The following CCDC85C variants were observed in gnomAD, a reference collection of about 807,000 sequenced individuals.
The protein encoded by CCDC85C is coiled-coil domain containing 85C, also known as coiled-coil domain-containing protein 85C.
In CCDC85C, 18 loss-of-function variants were observed where a neutral mutation model predicts 38.3. The ratio of observed to expected loss-of-function variants is 0.47; its 90% CI spans 0.33 to 0.70. CCDC85C has a LOEUF of 0.70. Ranked by LOEUF, CCDC85C falls within the 30% of genes least tolerant of loss-of-function variation. The pLI is 0.03. For synonymous variants in CCDC85C, 264 were observed against 293.8 expected, an observed-to-expected ratio of 0.90 and a Z score of 1.04; for missense variants, 566 against 621.2, an observed-to-expected ratio of 0.91 and a Z score of 0.94.
rs987354529 is a variant in CCDC85C, at chr14:99,516,963, G to A, written c.1071+125C>T. The A allele has an allele frequency of 3.8e-5, 34 of 884,890 alleles. No individual in the cohort carries two copies. The highest frequency in any genetic ancestry group is 6.0e-5 in the Non-Finnish European group (33 of 545,474). 54.8% of individuals were successfully genotyped at this position (884,890 alleles called of 1,614,324 possible). On this transcript the variant is annotated intron_variant, in intron 4 of 5. Coordinates refer to ENST00000380243, the MANE Select transcript of CCDC85C (RefSeq NM_001144995.2). This position sits in a 1 kb window ranked among gnomAD's most constrained non-coding sequence, Gnocchi z 5.5. ...TGCTCCAGGCAGCCATGGTCACCCAGCCACCCACACACAGATGAAACCTCC... is the reference window on the plus strand; with the variant it reads ...TGCTCCAGGCAGCCATGGTCACCCAACCACCCACACACAGATGAAACCTCC...
At chr14:99,534,699 C>T (rs1003255654) in intron 2 of CCDC85C, 2 of 702,306 alleles carry the variant, frequency 2.8e-6, no homozygotes, top group East Asian at 5.4e-5. Context: ...ACAATGGCCC[C>T]GCCAGGTCTG....
chr14:99,594,245 T>C (rs2055119691), intron 1 of CCDC85C, among the ~76,000 whole-genome samples: 1 of 152,166 alleles, frequency 6.6e-6, no homozygotes, highest in South Asian at 2.1e-4. Flanking sequence ...TCCAGGAACA[T>C]GCAGCCTTGT....
At chr14:99,522,059 G>C in intron 3 of CCDC85C, 74 bp downstream of exon 3, 1 of 1,163,262 alleles carries the variant, frequency 8.6e-7, no homozygotes, top group Non-Finnish European at 1.2e-6. Context: ...GTGCCCCTCC[G>C]GGCAGGTCAC....
At position 99,503,005 on chromosome 14, in the gene CCDC85C, C is replaced by A; in HGVS notation, c.*12241G>T. On this transcript the variant is annotated 3_prime_UTR_variant, in exon 6 of 6. Coordinates refer to ENST00000380243, the MANE Select transcript of CCDC85C (RefSeq NM_001144995.2). ...CCGTGGTGAGTGGGCTAAAGCAGGC[C>A]CTGGGTAGAGCAGGCTTTCCAGGTG... 1 of 1,613,694 alleles carries A rather than the reference C, an allele frequency of 6.2e-7. No individual in the cohort carries two copies. The highest frequency in any genetic ancestry group is 1.1e-5 in the South Asian group (1 of 91,078).
chr14:99,575,749 G>C (rs951620278), intron 1 of CCDC85C, among the ~76,000 whole-genome samples: 1 of 152,172 alleles, frequency 6.6e-6, no homozygotes, highest in African/African-American at 2.4e-5. Context: ...GAGCCACCAG[G>C]GCCATCACCA....
rs1365215464 is a variant in CCDC85C at position 99,569,411 on chromosome 14, T to TGGGAGCTG, written c.794-33324_794-33323insCAGCTCCC. ...AAAGGGTTCCCTGGATGTCCACACC[T>TGGGAGCTG]GGGCCCCAGCTCCGCCAGGCTGCCC... On this transcript the variant is annotated intron_variant, in intron 1 of 5. Transcript: ENST00000380243. This position sits in a 1 kb window ranked among gnomAD's most constrained non-coding sequence, Gnocchi z 4.3. Among the ~76,000 whole-genome samples, 3 of 152,106 alleles carry TGGGAGCTG rather than the reference T, an allele frequency of 2.0e-5. No homozygotes were observed. Among genetic ancestry groups the TGGGAGCTG allele is most frequent in the Non-Finnish European group, 4.4e-5 (3 of 68,004 alleles).
chr14:99,569,426 C>T lies in CCDC85C; in HGVS notation c.794-33338G>A, dbSNP rs1898289070. ...TGTCCACACCTGGGCCCCAGCTCCG[C>T]CAGGCTGCCCTGCCCCACAGAGGCA... On this transcript the variant is annotated intron_variant, in intron 1 of 5. Transcript: ENST00000380243. The surrounding 1 kb of genome is among the most constrained non-coding windows in gnomAD (Gnocchi z 4.3). Among the ~76,000 whole-genome samples, 2 of 152,210 alleles carry T rather than the reference C, an allele frequency of 1.3e-5. No individual in the cohort carries two copies. Among genetic ancestry groups the T allele is most frequent in the Admixed American group, 1.3e-4 (2 of 15,280 alleles).
chr14:99,603,078 G>A lies in CCDC85C; in HGVS notation c.793+89C>T. On this transcript the variant is annotated intron_variant, in intron 1 of 5. Transcript: ENST00000380243. The surrounding 1 kb of genome is among the most constrained non-coding windows in gnomAD (Gnocchi z 7.5). ...TCTGGAGTGGCGGCCGCATGAGTGG[G>A]ACAGCCAGGGACCACCTCCTCTCGC... 1 of 1,262,226 alleles carries A rather than the reference G, an allele frequency of 7.9e-7. No homozygotes were observed. Among genetic ancestry groups the A allele is most frequent in the Non-Finnish European group, 1.0e-6 (1 of 1,002,522 alleles). The allele number at this position is 1,262,226 out of a possible 1,614,324, so 78.2% of individuals were successfully genotyped here. A position where few individuals can be genotyped will look rare whatever the true frequency, so the allele number is the denominator to read the frequency against.
chr14:99,603,930 C>T lies in CCDC85C; in HGVS notation c.30G>A (p.Ala10=). The change falls in exon 1 of 6, where the codon GCG becomes GCA. Residue 10 remains alanine, a synonymous_variant. Transcript: ENST00000380243. The surrounding 1 kb of genome is among the most constrained non-coding windows in gnomAD (Gnocchi z 7.5). MAKPAATAA[A]ASEELSQVPD... is the part of the protein sequence containing the mutation. Reference sequence around the variant, plus strand: ...GCACCTGGCTCAGCTCCTCCGACGCCGCCGCCGCCGTCGCCGCGGGCTTAG... The same window carrying T: ...GCACCTGGCTCAGCTCCTCCGACGCTGCCGCCGCCGTCGCCGCGGGCTTAG... The T allele has an allele frequency of 7.1e-7, 1 of 1,417,524 alleles. No homozygotes were observed. Among genetic ancestry groups the T allele is most frequent in the African/African-American group, 1.5e-5 (1 of 66,676 alleles). 87.8% of individuals were successfully genotyped at this position (1,417,524 alleles called of 1,614,324 possible). A position where few individuals can be genotyped will look rare whatever the true frequency, so the allele number is the denominator to read the frequency against.
Position 99,576,200 on chromosome 14 carries a change from G to A in CCDC85C, c.793+26967C>T, listed in dbSNP as rs1898472882. On this transcript the variant is annotated intron_variant, in intron 1 of 5. Coordinates refer to ENST00000380243, the MANE Select transcript of CCDC85C (RefSeq NM_001144995.2). This position sits in a 1 kb window ranked among gnomAD's most constrained non-coding sequence, Gnocchi z 4.8. ...ACCACAAGTCAAACTGTGACCTTGG[G>A]TGAGGATTTCAAGAGCCCTTCAGTA... Among the ~76,000 whole-genome samples, 1 of 152,208 alleles carries A rather than the reference G, an allele frequency of 6.6e-6. No individual in the cohort carries two copies. Among genetic ancestry groups the A allele is most frequent in the Non-Finnish European group, 1.5e-5 (1 of 68,042 alleles).
rs1260853726 is a variant in CCDC85C at position 99,544,184 on chromosome 14, G to A, written c.794-8096C>T. Among the ~76,000 whole-genome samples, 3 of 152,178 alleles carry A rather than the reference G, an allele frequency of 2.0e-5. No individual in the cohort carries two copies. Among genetic ancestry groups the A allele is most frequent in the African/African-American group, 7.2e-5 (3 of 41,438 alleles). On this transcript the variant is annotated intron_variant, in intron 1 of 5. Coordinates refer to ENST00000380243, the MANE Select transcript of CCDC85C (RefSeq NM_001144995.2). The surrounding 1 kb of genome is among the most constrained non-coding windows in gnomAD (Gnocchi z 5.3). ...AGGCGCCTGAGACTCAGCGATGTTA[G>A]GCAGCAAGGCCAAGGTCACCCGGCG...
intron 1 of CCDC85C, among the ~76,000 whole-genome samples, chr14:99,556,209 G>C (rs929202537): frequency 6.6e-6 from 1 of 152,198 alleles, no homozygotes; most frequent in Non-Finnish European, 1.5e-5. Context: ...TTGAGCCCAG[G>C]AGTTCAAGAC....
intron 1 of CCDC85C, among the ~76,000 whole-genome samples, chr14:99,583,622 C>T (rs544674248): frequency 7.3e-5 from 11 of 151,388 alleles, no homozygotes; most frequent in Non-Finnish European, 1.2e-4. Context: ...CTGGCCAATA[C>T]GGTAAAACCA....
rs553105585 is a variant in CCDC85C, at chr14:99,550,595, T to G, written c.794-14507A>C. Among the ~76,000 whole-genome samples the G allele has an allele frequency of 6.2e-4, 94 of 152,314 alleles. 1 individual carries two copies. The South Asian group carries it at 0.012, about 20-fold the overall frequency. ...GACTTTAGGTTGCTTGCTTAGTCAC[T>G]CTGAGCCTCGGTTTCACTTAAAAAT... On this transcript the variant is annotated intron_variant, in intron 1 of 5. Transcript: ENST00000380243.
At chr14:99,560,414 T>C (rs2400745) in intron 1 of CCDC85C, among the ~76,000 whole-genome samples, 86,028 of 152,050 alleles carry the variant, frequency 0.57, 25,077 homozygotes, top group African/African-American at 0.71. Flanking sequence ...CTGGGAGGGA[T>C]GACTGCTCAC....
Position 99,603,435 on chromosome 14 carries a change from GCCGGCGCCGCCC to G in CCDC85C, c.513_524del (p.Gly172_Gly175del). The G allele has an allele frequency of 7.9e-7, 1 of 1,268,454 alleles. No homozygotes were observed. Among genetic ancestry groups the G allele is most frequent in the East Asian group, 3.4e-5 (1 of 29,626 alleles). The allele number at this position is 1,268,454 out of a possible 1,614,324, so 78.6% of individuals were successfully genotyped here. A position where few individuals can be genotyped will look rare whatever the true frequency, so the allele number is the denominator to read the frequency against. Reference sequence around the variant, plus strand: ...CCTGGCTGTCGATGGAGCTGCGGGAGCCGGCGCCGCCCCCGCCGCCGCCGCCACCGCTTGCGG... The same window carrying G: ...CCTGGCTGTCGATGGAGCTGCGGGAGCCGCCGCCGCCGCCACCGCTTGCGG... On this transcript the variant is annotated inframe_deletion, in exon 1 of 6. Coordinates refer to ENST00000380243, the MANE Select transcript of CCDC85C (RefSeq NM_001144995.2). The surrounding 1 kb of genome is among the most constrained non-coding windows in gnomAD (Gnocchi z 7.5).
intron 1 of CCDC85C, among the ~76,000 whole-genome samples, chr14:99,537,898 C>A (rs1428792949): frequency 6.6e-6 from 1 of 152,142 alleles, no homozygotes; most frequent in Non-Finnish European, 1.5e-5. Context: ...AGGGTGCAGC[C>A]TAGGCTCCCC....
At chr14:99,529,665 A>C (rs1208908849) in intron 2 of CCDC85C, among the ~76,000 whole-genome samples, 1 of 152,184 alleles carries the variant, frequency 6.6e-6, no homozygotes, top group Non-Finnish European at 1.5e-5. Context: ...TGGCCTCCCA[A>C]AGTGCCGGGA....
intron 1 of CCDC85C, among the ~76,000 whole-genome samples, chr14:99,564,325 A>G (rs1898174367): frequency 1.3e-5 from 2 of 152,174 alleles, no homozygotes; most frequent in African/African-American, 4.8e-5. Flanking sequence ...CCCCAGACCC[A>G]CAAGATGGAA....
Sources: allele counts gnomAD v4.1 joint callset (sites outside exome capture counted in the v4.1 genomes callset), GRCh38; gene constraint gnomAD v4.1.1; non-coding constraint Gnocchi (gnomAD v3.1); transcripts MANE v1.5; gene names NCBI Gene and HGNC (gene_info 2026-07-23, HGNC 2026-07-21).